KIAA1549L: variants seen among roughly 807,000 people sequenced by gnomAD.
KIAA1549L encodes KIAA1549 like.
A neutral mutation model predicts 160.7 loss-of-function variants in KIAA1549L; 88 were observed. That is an observed-to-expected ratio of 0.55 (90% CI 0.46 to 0.65). The LOEUF (loss-of-function observed/expected upper bound fraction) is 0.65. Ranked by LOEUF, KIAA1549L falls within the 30% of genes least tolerant of loss-of-function variation. The pLI, the probability that KIAA1549L is intolerant of heterozygous loss-of-function variation, is 0.00. For synonymous variants in KIAA1549L, 950 were observed against 976.7 expected (o/e 0.97, Z 0.51); for missense variants, 2,258 against 2,437.5 (o/e 0.93, Z 1.55).
At chr11:33,507,718 C>G (rs139503337) in intron 1 of KIAA1549L, among the ~76,000 whole-genome samples, 132 of 152,248 alleles carry the variant, frequency 8.7e-4, no homozygotes, top group Middle Eastern at 3.4e-3. Flanking sequence ...GTATACAGTA[C>G]CCCGAACAGA....
chr11:33,628,719 T>A (rs1042257352), intron 16 of KIAA1549L, among the ~76,000 whole-genome samples: 29 of 148,906 alleles, frequency 1.9e-4, no homozygotes, highest in Admixed American at 1.7e-3. Flanking sequence ...AGCACACTGA[T>A]GGGTCTTGAC....
At chr11:33,586,963 ATTTAAC>A (rs1849898232) in intron 11 of KIAA1549L, among the ~76,000 whole-genome samples, 1 of 152,210 alleles carries the variant, frequency 6.6e-6, no homozygotes, top group South Asian at 2.1e-4. Flanking sequence ...GGAACCAGTT[ATTTAAC>A]TTTATATGTT....
intron 16 of KIAA1549L, among the ~76,000 whole-genome samples, chr11:33,634,998 T>G (rs774326660): frequency 2.6e-5 from 4 of 152,196 alleles, no homozygotes; most frequent in Admixed American, 6.5e-5. Flanking sequence ...CAAGCCATTA[T>G]TTTGAACCCC....
At position 33,614,566 on chromosome 11, in the gene KIAA1549L, A is replaced by T. The variant is rs1362245470; in HGVS notation, c.5280-3967A>T. Among the ~76,000 whole-genome samples the T allele has an allele frequency of 4.3e-4, 6 of 13,972 alleles. 1 individual carries two copies. Among genetic ancestry groups the T allele is most frequent in the East Asian group, 3.1e-3 (2 of 636 alleles). The allele number at this position is 13,972 out of a possible 152,430, so 9.2% of individuals were successfully genotyped here. ...TATATATATATATATATATATATAT[A>T]TATATATATATATATATATTTTTTT... On this transcript the variant is annotated intron_variant, in intron 15 of 20. Transcript: ENST00000658780.
In KIAA1549L at chr11:33,545,010, T is replaced by A; in HGVS notation, c.3017T>A (p.Phe1006Tyr). Residue 1006 changes from phenylalanine to tyrosine, a missense_variant, in exon 3 of 21, where the codon TTC becomes TAC. By Grantham distance (22) the Phe-to-Tyr change is conservative. Transcript: ENST00000658780. ...GGGGCAGTCCATACAGCCTTCCCAT[T>A]CACACCAACCTACATGTATGCAAGA... Reference protein sequence around the residue: ...TPGAVHTAFPFTPTYMYARTG... With the variant: ...TPGAVHTAFPYTPTYMYARTG... 1 of 1,613,938 alleles carries A rather than the reference T, an allele frequency of 6.2e-7. No homozygotes were observed. The highest frequency in any genetic ancestry group is 8.5e-7 in the Non-Finnish European group (1 of 1,179,872).
At chr11:33,472,705 T>C (rs1239208364) in intron 1 of KIAA1549L, among the ~76,000 whole-genome samples, 1 of 152,214 alleles carries the variant, frequency 6.6e-6, no homozygotes, top group Non-Finnish European at 1.5e-5. Flanking sequence ...TGACTGCATG[T>C]CAAAAATTTC....
chr11:33,547,440 C>T (rs1227462642), intron 3 of KIAA1549L, among the ~76,000 whole-genome samples: 2 of 152,192 alleles, frequency 1.3e-5, no homozygotes, highest in Non-Finnish European at 2.9e-5. Flanking sequence ...AGGAGGCTGT[C>T]CATGAATGTT....
chr11:33,624,958 T>A lies in KIAA1549L; in HGVS notation c.5409+6296T>A, dbSNP rs540290483. ...AGAGTGTGATGTTCCCCTTTCTGTG[T>A]CCATGTGTTCTCATTGTTCAATTCC... On this transcript the variant is annotated intron_variant, in intron 16 of 20. Coordinates refer to ENST00000658780, the MANE Select transcript of KIAA1549L (RefSeq NM_012194.3). Among the ~76,000 whole-genome samples the A allele has an allele frequency of 3.4e-4, 48 of 140,588 alleles. No homozygotes were observed. In the East Asian group the frequency reaches 7.2e-3, roughly 21 times the overall value. The allele number at this position is 140,588 out of a possible 152,430, so 92.2% of individuals were successfully genotyped here.
rs1399198864 is a variant in KIAA1549L at position 33,614,592 on chromosome 11, T to A, written c.5280-3941T>A. 2.9e-3 allele frequency among the ~76,000 whole-genome samples: 132 copies of A among 45,406 alleles called. 2 individuals are homozygous for A. Among genetic ancestry groups the A allele is most frequent in the Non-Finnish European group, 4.5e-3 (96 of 21,258 alleles). 29.8% of individuals were successfully genotyped at this position (45,406 alleles called of 152,430 possible). A position where few individuals can be genotyped will look rare whatever the true frequency, so the allele number is the denominator to read the frequency against. On this transcript the variant is annotated intron_variant, in intron 15 of 20. Transcript: ENST00000658780. ...TATATATATATATATATATTTTTTT[T>A]TTTTTTTTTTTTTTTTTTTTTTTGG...
At chr11:33,523,822 A>G (rs757159335) in intron 1 of KIAA1549L, among the ~76,000 whole-genome samples, 2 of 152,204 alleles carry the variant, frequency 1.3e-5, no homozygotes, top group Admixed American at 1.3e-4. Context: ...CATAATTTTT[A>G]TATAATTGCA....
intron 16 of KIAA1549L, among the ~76,000 whole-genome samples, chr11:33,624,874 C>A (rs981242291): frequency 4.0e-5 from 6 of 151,208 alleles, no homozygotes; most frequent in African/African-American, 4.9e-5. Flanking sequence ...CCTCATCTAG[C>A]ATTAGGTATA....
intron 1 of KIAA1549L, among the ~76,000 whole-genome samples, chr11:33,424,600 C>T (rs1350828966): frequency 6.6e-6 from 1 of 152,194 alleles, no homozygotes; most frequent in African/African-American, 2.4e-5. Context: ...ACAAAAGTGT[C>T]TTGACCTTGA....
intron 16 of KIAA1549L, among the ~76,000 whole-genome samples, chr11:33,640,992 C>T (rs1180518537): frequency 1.3e-5 from 2 of 152,204 alleles, no homozygotes; most frequent in African/African-American, 4.8e-5. Context: ...TGTCTTTGTT[C>T]CTGTCTCCCC....
chr11:33,534,810 C>T (rs974524325), intron 1 of KIAA1549L, among the ~76,000 whole-genome samples: 1 of 152,180 alleles, frequency 6.6e-6, no homozygotes, highest in African/African-American at 2.4e-5. Context: ...ATGGCAAACT[C>T]TCACCATTCT....
At chr11:33,471,218 C>CTT (rs113201118) in intron 1 of KIAA1549L, among the ~76,000 whole-genome samples, 2 of 141,618 alleles carry the variant, frequency 1.4e-5, no homozygotes, top group Non-Finnish European at 1.5e-5. Flanking sequence ...ATCTCAGAAC[C>CTT]TTTTTTTTTT....
chr11:33,599,018 C>CGTG, intron 13 of KIAA1549L, 71 bp downstream of exon 13: 1 of 1,546,884 alleles, frequency 6.5e-7, no homozygotes, highest in East Asian at 2.3e-5. Flanking sequence ...TGCGTGCACA[C>CGTG]GTGTGCACAA....
intron 12 of KIAA1549L, 111 bp downstream of exon 12, chr11:33,591,532 C>T (rs1029220790): frequency 1.2e-6 from 1 of 841,020 alleles, no homozygotes; most frequent in African/African-American, 1.7e-5. Context: ...AATTCCCCTT[C>T]ATGCTCATTT....
intron 1 of KIAA1549L, among the ~76,000 whole-genome samples, chr11:33,460,502 A>G (rs1851921939): frequency 6.6e-6 from 1 of 152,196 alleles, no homozygotes. Flanking sequence ...TACTGGCTTA[A>G]GATCACAGAG....
chr11:33,546,833 T>G (rs1416943899), intron 3 of KIAA1549L, among the ~76,000 whole-genome samples: 1 of 152,214 alleles, frequency 6.6e-6, no homozygotes, highest in Admixed American at 6.5e-5. Context: ...ATACCTATGA[T>G]AAAGCTTAAT....
Sources: gnomAD v4.1 joint callset for allele counts (sites outside exome capture counted in the v4.1 genomes callset) on GRCh38, gnomAD v4.1.1 for gene constraint, MANE v1.5 for transcripts, NCBI Gene and HGNC (gene_info 2026-07-23, HGNC 2026-07-21) for gene names.